The following BICD1 variants were observed in gnomAD, a reference collection of about 807,000 sequenced individuals.
BICD1 encodes the protein BICD cargo adaptor 1, also known as protein bicaudal D homolog 1.
BICD1 carries 35 observed loss-of-function variants against 92.5 expected under a neutral mutation model. The ratio of observed to expected loss-of-function variants is 0.38; its 90% confidence interval spans 0.29 to 0.50. The LOEUF (loss-of-function observed/expected upper bound fraction) is 0.50, where lower values mean the gene tolerates loss of function less well. Among genes scored for constraint, BICD1 ranks in the 20% least tolerant of loss-of-function variants. The pLI is 0.93. For missense variants in BICD1, 950 were observed against 1,189.8 expected, an observed-to-expected ratio of 0.80 and a Z score of 2.97; for synonymous variants, 429 against 465.1, an observed-to-expected ratio of 0.92 and a Z score of 1.00.
At chr12:32,150,381 C>T (rs1049841675) in intron 1 of BICD1, among the ~76,000 whole-genome samples, 2 of 152,140 alleles carry the variant, frequency 1.3e-5, no homozygotes, top group African/African-American at 4.8e-5. Flanking sequence ...CAGGGAAAAG[C>T]GTATGTTTTT....
chr12:32,293,419 G>T (rs1947774291), intron 2 of BICD1, among the ~76,000 whole-genome samples: 1 of 151,934 alleles, frequency 6.6e-6, no homozygotes, highest in Admixed American at 6.6e-5. Context: ...CCAGGTTCAA[G>T]TGACTCTCCT....
At chr12:32,240,989 C>T (rs1452105269) in intron 2 of BICD1, among the ~76,000 whole-genome samples, 1 of 152,168 alleles carries the variant, frequency 6.6e-6, no homozygotes, top group African/African-American at 2.4e-5. Flanking sequence ...CCCTTCCTGC[C>T]TGGGGCCAGT....
At chr12:32,196,969 G>A (rs1262093520) in intron 1 of BICD1, among the ~76,000 whole-genome samples, 1 of 151,900 alleles carries the variant, frequency 6.6e-6, no homozygotes, top group Non-Finnish European at 1.5e-5. Flanking sequence ...TACTCATCTT[G>A]GGAAAAGCTA....
chr12:32,166,549 A>G (rs1943778172), intron 1 of BICD1, among the ~76,000 whole-genome samples: 1 of 152,186 alleles, frequency 6.6e-6, no homozygotes, highest in Non-Finnish European at 1.5e-5. Context: ...AACAGGAAAG[A>G]ATCATCCAGT....
intron 2 of BICD1, among the ~76,000 whole-genome samples, chr12:32,254,255 A>G (rs987064349): frequency 6.9e-6 from 1 of 144,822 alleles, no homozygotes; most frequent in African/African-American, 2.6e-5. Context: ...CCCACTTGCC[A>G]TATTCACTGC....
Position 32,216,316 on chromosome 12 carries a change from C to T in BICD1, c.283C>T (p.Leu95=), listed in dbSNP as rs2121554477. ...EDGETREETL[L]QESASKEAYY... is the part of the protein sequence containing the mutation. ...TGGAGAGACTCGGGAGGAAACGCTT[C>T]TGCAGGAGTCAGCATCGAAGGAGGC... Residue 95 remains leucine (L), a synonymous_variant, in exon 2 of 10, where the codon CTG becomes TTG. Transcript: ENST00000652176. The T allele has an allele frequency of 6.2e-7, 1 of 1,614,186 alleles. No individual in the cohort carries two copies. The highest frequency in any genetic ancestry group is 2.2e-5 in the East Asian group (1 of 44,890).
chr12:32,336,093 G>C (rs768509248), intron 6 of BICD1, among the ~76,000 whole-genome samples: 36 of 152,200 alleles, frequency 2.4e-4, no homozygotes, highest in Non-Finnish European at 4.3e-4. Context: ...CTGGGTGACA[G>C]AGCGAGACTC....
intron 2 of BICD1, among the ~76,000 whole-genome samples, chr12:32,276,234 C>G (rs146257596): frequency 6.6e-6 from 1 of 152,096 alleles, no homozygotes; most frequent in East Asian, 1.9e-4. Flanking sequence ...GGCACCCTTC[C>G]GGAGGAAATC....
intron 8 of BICD1, chr12:32,353,433 A>G (rs1183756940): frequency 6.6e-6 from 1 of 152,178 alleles, no homozygotes; most frequent in East Asian, 1.9e-4. Context: ...TACATGTTAT[A>G]AGTCTTTCCT....
intron 1 of BICD1, among the ~76,000 whole-genome samples, chr12:32,159,545 C>A (rs889122542): frequency 1.3e-5 from 2 of 152,210 alleles, no homozygotes; most frequent in Admixed American, 1.3e-4. Context: ...CCACTACTAT[C>A]CTTTGTCTAT....
intron 2 of BICD1, among the ~76,000 whole-genome samples, chr12:32,219,869 A>T (rs1473042580): frequency 1.3e-5 from 2 of 152,246 alleles, no homozygotes; most frequent in African/African-American, 4.8e-5. Context: ...TAACCAAAAC[A>T]GCATGGTACT....
intron 8 of BICD1, among the ~76,000 whole-genome samples, chr12:32,341,337 G>A (rs1938358640): frequency 1.3e-5 from 2 of 151,704 alleles, no homozygotes; most frequent in South Asian, 4.2e-4. Context: ...TGTGGTAGTG[G>A]GCACCTGTAG....
intron 2 of BICD1, among the ~76,000 whole-genome samples, chr12:32,242,418 T>C (rs1946262965): frequency 6.6e-6 from 1 of 151,708 alleles, no homozygotes; most frequent in Non-Finnish European, 1.5e-5. Flanking sequence ...TCCCAGCTAC[T>C]AGGGAGGCCA....
At chr12:32,346,737 T>G (rs968184128) in intron 8 of BICD1, among the ~76,000 whole-genome samples, 3 of 146,392 alleles carry the variant, frequency 2.0e-5, no homozygotes, top group Non-Finnish European at 3.0e-5. Flanking sequence ...TTCAGTATTA[T>G]GCACTTACAG....
At chr12:32,324,269 C>T (rs780863463) in intron 4 of BICD1, among the ~76,000 whole-genome samples, 33 of 150,630 alleles carry the variant, frequency 2.2e-4, no homozygotes, top group Non-Finnish European at 2.4e-4. Flanking sequence ...GCAGAAGAAT[C>T]GCTTGAACCC....
intron 1 of BICD1, among the ~76,000 whole-genome samples, chr12:32,192,140 A>C (rs950227144): frequency 2.0e-5 from 3 of 152,182 alleles, no homozygotes; most frequent in Admixed American, 6.5e-5. Context: ...AACACACAAA[A>C]GATAAAGCAG....
At chr12:32,148,524 C>G (rs1216801501) in intron 1 of BICD1, among the ~76,000 whole-genome samples, 4 of 152,072 alleles carry the variant, frequency 2.6e-5, no homozygotes, top group Admixed American at 2.6e-4. Context: ...CGTCCTCGAG[C>G]CTGAATGAGC....
At chr12:32,217,244 C>T (rs927206929) in intron 2 of BICD1, among the ~76,000 whole-genome samples, 1 of 152,218 alleles carries the variant, frequency 6.6e-6, no homozygotes, top group African/African-American at 2.4e-5. Context: ...CAGACGTCCT[C>T]TAACTCCTAC....
At chr12:32,300,998 A>C (rs16919663) in intron 3 of BICD1, among the ~76,000 whole-genome samples, 21,279 of 152,030 alleles carry the variant, frequency 0.14, 1,563 homozygotes, top group East Asian at 0.2. Context: ...TGACACAAGG[A>C]AACACACTGC....
Sources: allele counts gnomAD v4.1 joint callset (sites outside exome capture counted in the v4.1 genomes callset), GRCh38; gene constraint gnomAD v4.1.1; transcripts MANE v1.5; gene names NCBI Gene and HGNC (gene_info 2026-07-23, HGNC 2026-07-21).